IMMP2L: variants seen among roughly 807,000 people sequenced by gnomAD.
The protein encoded by IMMP2L is mitochondrial inner membrane protease subunit 2.
IMMP2L carries 18 observed loss-of-function variants against 19.3 expected under a neutral mutation model. The ratio of observed to expected loss-of-function variants is 0.93; its 90% confidence interval spans 0.64 to 1.38. The LOEUF is 1.38. Among genes scored for constraint, IMMP2L ranks in the 40% most tolerant of loss-of-function variants. The pLI, the probability that IMMP2L is intolerant of heterozygous loss-of-function variation, is 0.00. For missense variants in IMMP2L, 233 were observed against 218.2 expected (o/e 1.07, Z -0.43); for synonymous variants, 76 against 73.0 (o/e 1.04, Z -0.21).
chr7:110,831,883 A>G (rs1804000365), intron 5 of IMMP2L, among the ~76,000 whole-genome samples: 1 of 152,206 alleles, frequency 6.6e-6, no homozygotes, highest in South Asian at 2.1e-4. Context: ...CAGACTTGTT[A>G]GAGGCTTCGG....
At chr7:110,983,154 T>C (rs577953867) in intron 3 of IMMP2L, among the ~76,000 whole-genome samples, 1 of 151,958 alleles carries the variant, frequency 6.6e-6, no homozygotes, top group African/African-American at 2.4e-5. Context: ...AAGAGTTCTG[T>C]TATTAAAAAG....
intron 3 of IMMP2L, among the ~76,000 whole-genome samples, chr7:111,104,096 T>C (rs1283500493): frequency 6.6e-6 from 1 of 151,752 alleles, no homozygotes; most frequent in Non-Finnish European, 1.5e-5. Context: ...TTCATATCTC[T>C]GAGTTTGGGC....
intron 2 of IMMP2L, among the ~76,000 whole-genome samples, chr7:111,501,300 C>A (rs996719195): frequency 3.1e-4 from 47 of 152,208 alleles, no homozygotes; most frequent in African/African-American, 1.1e-3. Context: ...ACAAACAAAG[C>A]CTCCAAGAAA....
At chr7:111,554,616 TTTA>T (rs537769881) in intron 1 of IMMP2L, among the ~76,000 whole-genome samples, 26 of 151,360 alleles carry the variant, frequency 1.7e-4, no homozygotes, top group East Asian at 1.2e-3. Flanking sequence ...TTATTTTTAT[TTTA>T]TTATTATTAT....
intron 4 of IMMP2L, among the ~76,000 whole-genome samples, chr7:110,928,282 A>C (rs2129551345): frequency 6.6e-6 from 1 of 151,556 alleles, no homozygotes; most frequent in Admixed American, 6.6e-5. Flanking sequence ...AAGAACAATA[A>C]AGAAAAATTT....
intron 3 of IMMP2L, among the ~76,000 whole-genome samples, chr7:111,039,211 T>C (rs1475916768): frequency 6.6e-6 from 1 of 152,234 alleles, no homozygotes; most frequent in East Asian, 1.9e-4. Flanking sequence ...TTGATTTTAA[T>C]TTTGGAAAAC....
At chr7:111,413,315 T>A (rs1306678545) in intron 3 of IMMP2L, among the ~76,000 whole-genome samples, 1 of 152,140 alleles carries the variant, frequency 6.6e-6, no homozygotes, top group East Asian at 1.9e-4. Flanking sequence ...TACAAACTTT[T>A]TTTAGAAAAG....
At chr7:111,364,842 G>A (rs1021953765) in intron 3 of IMMP2L, among the ~76,000 whole-genome samples, 5 of 151,202 alleles carry the variant, frequency 3.3e-5, no homozygotes, top group Non-Finnish European at 7.4e-5. Flanking sequence ...GTGGTGGCAG[G>A]CGCTGTAATC....
In IMMP2L at chr7:110,744,591, G is replaced by T. The variant is rs559401900; in HGVS notation, c.409-80870C>A. On this transcript the variant is annotated intron_variant, in intron 5 of 5. Coordinates refer to ENST00000405709, the MANE Select transcript of IMMP2L (RefSeq NM_032549.4). ...TTGCTGCTCTGCAGCCTCCGCTGGTGCTACCCAGGCAAACAGGGTCTGGAG... is the reference window on the plus strand; with the variant it reads ...TTGCTGCTCTGCAGCCTCCGCTGGTTCTACCCAGGCAAACAGGGTCTGGAG... 4.6e-5 allele frequency among the ~76,000 whole-genome samples: 7 copies of T among 152,338 alleles called. No homozygotes were observed. In the East Asian group the frequency reaches 1.4e-3, roughly 29 times the overall value.
chr7:111,303,537 A>G (rs1822495587), intron 3 of IMMP2L, among the ~76,000 whole-genome samples: 1 of 152,072 alleles, frequency 6.6e-6, no homozygotes, highest in South Asian at 2.1e-4. Context: ...AAGTTAGGGC[A>G]TCCTATATTT....
chr7:110,983,025 T>G (rs1821467283), intron 3 of IMMP2L, among the ~76,000 whole-genome samples: 1 of 152,066 alleles, frequency 6.6e-6, no homozygotes, highest in Non-Finnish European at 1.5e-5. Context: ...TCATTAAATA[T>G]CCCACTTATA....
At chr7:111,124,743 T>C in intron 3 of IMMP2L, 1 of 1,613,890 alleles carries the variant, frequency 6.2e-7, no homozygotes, top group Non-Finnish European at 8.5e-7. Context: ...ACTGTGATGG[T>C]GGACACAGCT....
At chr7:111,015,597 T>C (rs541409064) in intron 3 of IMMP2L, among the ~76,000 whole-genome samples, 1 of 152,242 alleles carries the variant, frequency 6.6e-6, no homozygotes, top group East Asian at 1.9e-4. Context: ...ATTGTTTGAG[T>C]CTATCTACAT....
At chr7:111,443,120 T>C (rs1837912079) in intron 3 of IMMP2L, among the ~76,000 whole-genome samples, 1 of 151,924 alleles carries the variant, frequency 6.6e-6, no homozygotes, top group East Asian at 1.9e-4. Flanking sequence ...CATAGGTTGA[T>C]TTTATGTTTT....
chr7:111,228,459 A>T (rs544065883), intron 3 of IMMP2L, among the ~76,000 whole-genome samples: 1 of 151,494 alleles, frequency 6.6e-6, no homozygotes, highest in Admixed American at 6.6e-5. Flanking sequence ...TACCTCCCAA[A>T]AGCCAGGAAA....
intron 3 of IMMP2L, chr7:111,124,010 G>A (rs1800977360): frequency 5.6e-6 from 9 of 1,614,094 alleles, no homozygotes; most frequent in Non-Finnish European, 7.6e-6. Context: ...GTGCATTTCA[G>A]GGACATGATG....
chr7:111,368,408 C>T (rs1463589766), intron 3 of IMMP2L, among the ~76,000 whole-genome samples: 1 of 151,954 alleles, frequency 6.6e-6, no homozygotes, highest in African/African-American at 2.4e-5. Context: ...AACCCAAGTT[C>T]AGTCAGTCAG....
chr7:111,305,843 T>C (rs1822806862), intron 3 of IMMP2L, among the ~76,000 whole-genome samples: 2 of 152,236 alleles, frequency 1.3e-5, no homozygotes, highest in Middle Eastern at 6.8e-3. Context: ...CTCCATTCTA[T>C]TGTTCTCTAT....
At chr7:110,999,578 C>A (rs866897238) in intron 3 of IMMP2L, among the ~76,000 whole-genome samples, 1 of 148,844 alleles carries the variant, frequency 6.7e-6, no homozygotes, top group Non-Finnish European at 1.5e-5. Context: ...ACAATATGTT[C>A]TCAAACACTT....
Sources: gnomAD v4.1 joint callset for allele counts (sites outside exome capture counted in the v4.1 genomes callset) on GRCh38, gnomAD v4.1.1 for gene constraint, MANE v1.5 for transcripts, NCBI Gene and HGNC (gene_info 2026-07-23, HGNC 2026-07-21) for gene names.